TENM2: variants seen among roughly 807,000 people sequenced by gnomAD.
TENM2 encodes the protein teneurin transmembrane protein 2, also known as teneurin-2.
A neutral mutation model predicts 245.2 loss-of-function variants in TENM2; 52 were observed. That is an observed-to-expected ratio of 0.21 (90% CI 0.17 to 0.27). The LOEUF is 0.27. Ranked by LOEUF, TENM2 falls within the 10% of genes least tolerant of loss-of-function variation. The pLI, the probability that TENM2 is intolerant of heterozygous loss-of-function variation, is 1.00. For synonymous variants in TENM2, 1,363 were observed against 1,438.9 expected, an observed-to-expected ratio of 0.95 and a Z score of 1.19; for missense variants, 3,046 against 3,666.8, an observed-to-expected ratio of 0.83 and a Z score of 4.37.
At chr5:167,917,296 C>G (rs1017797979) in intron 3 of TENM2, among the ~76,000 whole-genome samples, 1 of 151,550 alleles carries the variant, frequency 6.6e-6, no homozygotes, top group African/African-American at 2.4e-5. Context: ...AGAAGCCGAG[C>G]AAAAAGAAAG....
intron 2 of TENM2, among the ~76,000 whole-genome samples, chr5:167,789,797 GC>G (rs1171273161): frequency 1.3e-5 from 2 of 152,114 alleles, no homozygotes; most frequent in Non-Finnish European, 2.9e-5. Context: ...TCAAATCCTG[GC>G]TCAGCTTACC....
chr5:167,069,371 T>A, the TENM2 span, among the ~76,000 whole-genome samples: 1 of 152,210 alleles, frequency 6.6e-6, no homozygotes, highest in Non-Finnish European at 1.5e-5. Flanking sequence ...ATCTAAATGA[T>A]GCAAATTAAA....
intron 2 of TENM2, among the ~76,000 whole-genome samples, chr5:167,457,837 G>C (rs576668573): frequency 1.3e-5 from 2 of 152,260 alleles, no homozygotes; most frequent in South Asian, 2.1e-4. Flanking sequence ...ACTTTAATCT[G>C]AGTTAGTGTA....
chr5:167,810,363 T>G (rs908801047), intron 2 of TENM2, among the ~76,000 whole-genome samples: 5 of 152,150 alleles, frequency 3.3e-5, no homozygotes, highest in African/African-American at 1.2e-4. Flanking sequence ...ACTTGAAATG[T>G]AAAGCTTCCA....
At chr5:167,778,399 A>C (rs1415011786) in intron 2 of TENM2, among the ~76,000 whole-genome samples, 1 of 152,216 alleles carries the variant, frequency 6.6e-6, no homozygotes, top group Non-Finnish European at 1.5e-5. Flanking sequence ...CTGAGCCATT[A>C]CAGAGTGTTG....
At chr5:168,051,900 C>T (rs1396503299) in intron 6 of TENM2, among the ~76,000 whole-genome samples, 1 of 152,192 alleles carries the variant, frequency 6.6e-6, no homozygotes, top group African/African-American at 2.4e-5. Flanking sequence ...ATCTTTACAT[C>T]TCTCAGCTGG....
the TENM2 span, among the ~76,000 whole-genome samples, chr5:167,105,801 T>C: frequency 7.3e-6 from 1 of 137,218 alleles, no homozygotes; most frequent in African/African-American, 2.8e-5. Flanking sequence ...GGCAGGAGAA[T>C]GGCGTGAACC....
At chr5:167,838,016 T>C (rs912802842) in intron 2 of TENM2, among the ~76,000 whole-genome samples, 2 of 152,202 alleles carry the variant, frequency 1.3e-5, no homozygotes, top group African/African-American at 4.8e-5. Flanking sequence ...TGGTTTAGTA[T>C]TGAGGCAAAT....
At chr5:168,077,229 G>T (rs1338469190) in intron 7 of TENM2, among the ~76,000 whole-genome samples, 1 of 152,086 alleles carries the variant, frequency 6.6e-6, no homozygotes, top group Non-Finnish European at 1.5e-5. Context: ...ATTTCCAAAA[G>T]GCATTTCCTG....
intron 2 of TENM2, among the ~76,000 whole-genome samples, chr5:167,749,161 A>G (rs1013198728): frequency 6.6e-6 from 1 of 152,192 alleles, no homozygotes. Flanking sequence ...AAACCGAGGA[A>G]AAACAAAAAC....
intron 2 of TENM2, among the ~76,000 whole-genome samples, chr5:167,741,136 T>C: frequency 6.6e-6 from 1 of 152,328 alleles, no homozygotes; most frequent in Admixed American, 6.5e-5. Context: ...TCCCTGAAGT[T>C]AAGTGATTTT....
the TENM2 span, among the ~76,000 whole-genome samples, chr5:167,003,623 G>A: frequency 2.0e-5 from 3 of 152,240 alleles, no homozygotes; most frequent in South Asian, 6.2e-4. Context: ...AGTATTTGTT[G>A]CTTGTTGGTA....
the TENM2 span, among the ~76,000 whole-genome samples, chr5:167,054,694 G>A: frequency 6.6e-6 from 1 of 152,062 alleles, no homozygotes; most frequent in Non-Finnish European, 1.5e-5. Context: ...ACCAGGAGTT[G>A]GTATTGTCAG....
intron 2 of TENM2, among the ~76,000 whole-genome samples, chr5:167,815,284 G>A (rs1766956182): frequency 6.6e-6 from 1 of 152,110 alleles, no homozygotes; most frequent in Admixed American, 6.6e-5. Context: ...TTAAGTGAAA[G>A]GGGAGAGTTT....
intron 1 of TENM2, among the ~76,000 whole-genome samples, chr5:167,301,405 C>T (rs1755320309): frequency 6.6e-6 from 1 of 152,108 alleles, no homozygotes; most frequent in Admixed American, 6.6e-5. Flanking sequence ...GTGGTTTAGG[C>T]ATTTGGAAGT....
chr5:168,160,135 A>G (rs1430500732), intron 12 of TENM2, among the ~76,000 whole-genome samples: 2 of 152,040 alleles, frequency 1.3e-5, no homozygotes, highest in African/African-American at 4.8e-5. Flanking sequence ...ATTCCCCAAA[A>G]CTCTACCAGT....
At chr5:167,878,450 C>T (rs181863204) in intron 3 of TENM2, among the ~76,000 whole-genome samples, 1 of 152,242 alleles carries the variant, frequency 6.6e-6, no homozygotes, top group East Asian at 1.9e-4. Flanking sequence ...CCCTTGTTTT[C>T]AGCAGGTACT....
intron 7 of TENM2, among the ~76,000 whole-genome samples, chr5:168,078,783 A>T (rs1791708238): frequency 1.3e-5 from 2 of 151,964 alleles, no homozygotes; most frequent in Non-Finnish European, 2.9e-5. Context: ...TGTTCCATTG[A>T]TCTATATCTC....
intron 1 of TENM2, among the ~76,000 whole-genome samples, chr5:167,348,042 A>G (rs1424928243): frequency 2.6e-5 from 4 of 152,192 alleles, no homozygotes; most frequent in African/African-American, 9.7e-5. Context: ...AGGCAAGGGA[A>G]TGTTCCCATA....
Sources: allele counts gnomAD v4.1 joint callset (sites outside exome capture counted in the v4.1 genomes callset), GRCh38; gene constraint gnomAD v4.1.1; transcripts MANE v1.5; gene names NCBI Gene and HGNC (gene_info 2026-07-23, HGNC 2026-07-21).